GJA5: variants seen among roughly 807,000 people sequenced by gnomAD.
GJA5 encodes gap junction alpha-5 protein.
GJA5 carries 3 observed loss-of-function variants against 7.9 expected under a neutral mutation model. The ratio of observed to expected loss-of-function variants is 0.38; its 90% confidence interval spans 0.17 to 0.99. The LOEUF (loss-of-function observed/expected upper bound fraction) is 0.99. Ranked by LOEUF, GJA5 falls within the 50% of genes least tolerant of loss-of-function variation. The pLI is 0.38. For synonymous variants in GJA5, 193 were observed against 181.0 expected, an observed-to-expected ratio of 1.07 and a Z score of -0.53; for missense variants, 390 against 457.9, an observed-to-expected ratio of 0.85 and a Z score of 1.35.
upstream of GJA5, among the ~76,000 whole-genome samples, chr1:147,765,522 T>G (rs1553228063): frequency 6.6e-6 from 1 of 151,906 alleles, no homozygotes; most frequent in Non-Finnish European, 1.5e-5. Context: ...TGTAGGGGTG[T>G]GGAGTGGATG....
At chr1:147,761,307 G>T (rs1157551677), upstream of GJA5, among the ~76,000 whole-genome samples, 2 of 152,118 alleles carry the variant, frequency 1.3e-5, no homozygotes, top group Non-Finnish European at 2.9e-5. Flanking sequence ...TCATATCTTT[G>T]CTGCCAACGT....
chr1:147,760,839 A>AC (rs1158022007), upstream of GJA5, among the ~76,000 whole-genome samples: 1 of 152,042 alleles, frequency 6.6e-6, no homozygotes. Flanking sequence ...AGGTTTTTCT[A>AC]CCCCCCAGTA....
chr1:147,761,852 G>A (rs920750174), upstream of GJA5, among the ~76,000 whole-genome samples: 11 of 152,084 alleles, frequency 7.2e-5, no homozygotes, highest in African/African-American at 2.7e-4. Context: ...AAAAAGAAGA[G>A]AAGAAAAGGG....
intron 1 of GJA5, among the ~76,000 whole-genome samples, chr1:147,773,041 A>G (rs2148966885): frequency 6.6e-6 from 1 of 152,292 alleles, no homozygotes; most frequent in East Asian, 1.9e-4. Context: ...CTCTAAATCA[A>G]GGAAGTAATT....
chr1:147,765,130 G>A (rs782157929), upstream of GJA5, among the ~76,000 whole-genome samples: 3 of 152,138 alleles, frequency 2.0e-5, no homozygotes, highest in Non-Finnish European at 4.4e-5. Flanking sequence ...CTTACATACT[G>A]TTCAAAATGT....
chr1:147,771,098 C>G lies in GJA5; in HGVS notation c.-34+2154G>C, dbSNP rs78982347. 8.3e-3 allele frequency among the ~76,000 whole-genome samples: 1,260 copies of G among 152,262 alleles called. 3 individuals carry two copies. The highest frequency in any genetic ancestry group is 0.014 in the Non-Finnish European group (948 of 68,020). On this transcript the variant is annotated intron_variant, in intron 1 of 1. Transcript: ENST00000430508. ...CCTGAAAACGGCAGGTCATCCAGTT[C>G]CTGTCCTGATTGATCCACATAGACA... is the stretch of plus-strand genomic sequence containing the variant.
Position 147,758,551 on chromosome 1 carries a change from C to G in GJA5, c.688G>C (p.Gly230Arg). Reference sequence around the variant, plus strand: ...AATCGCTGTCTGATCTTCTTCCAGCCCAGGTGGTAGAGTTCAGCCAGGCTA... The same window carrying G: ...AATCGCTGTCTGATCTTCTTCCAGCGCAGGTGGTAGAGTTCAGCCAGGCTA... The part of the protein sequence containing the change: ...LLSLAELYHL[G>R]WKKIRQRFVK... The change falls in exon 2 of 2, where the codon GGC (glycine) becomes CGC (arginine). Residue 230 changes from glycine (G) to arginine (R), a missense_variant. Transcript: ENST00000579774. 1 of 1,613,556 alleles carries G rather than the reference C, an allele frequency of 6.2e-7. No homozygotes were observed. The highest frequency in any genetic ancestry group is 1.7e-5 in the Admixed American group (1 of 60,018).
chr1:147,772,261 C>T (rs1664435136), intron 1 of GJA5, among the ~76,000 whole-genome samples: 1 of 152,140 alleles, frequency 6.6e-6, no homozygotes, highest in South Asian at 2.1e-4. Flanking sequence ...AGGAATCCCT[C>T]TATTATAATG....
chr1:147,773,030 C>T (rs587602033), intron 1 of GJA5, among the ~76,000 whole-genome samples: 92 of 152,236 alleles, frequency 6.0e-4, no homozygotes, highest in African/African-American at 2.2e-3. Flanking sequence ...TCTTCATCTC[C>T]CTCTAAATCA....
At chr1:147,759,363 A>T in intron 1 of GJA5, 92 bp from the exon 2 acceptor site, 4 of 755,628 alleles carry the variant, frequency 5.3e-6, no homozygotes, top group Non-Finnish European at 9.4e-6. Flanking sequence ...CCACTGATCC[A>T]TCCATCCAAT....
chr1:147,764,148 T>C (rs1465852542), upstream of GJA5, among the ~76,000 whole-genome samples: 1 of 152,118 alleles, frequency 6.6e-6, no homozygotes, highest in Non-Finnish European at 1.5e-5. Context: ...ACGGCCAGTG[T>C]TTTTCAAAGA....
upstream of GJA5, among the ~76,000 whole-genome samples, chr1:147,760,942 G>A (rs1663983173): frequency 6.6e-6 from 1 of 151,870 alleles, no homozygotes; most frequent in African/African-American, 2.4e-5. Flanking sequence ...GAACAGGAGG[G>A]AGACTACTCA....
At chr1:147,772,677 C>T (rs1664452903) in intron 1 of GJA5, among the ~76,000 whole-genome samples, 1 of 151,730 alleles carries the variant, frequency 6.6e-6, no homozygotes, top group Non-Finnish European at 1.5e-5. Context: ...TTTCCTCCGG[C>T]TGCAAGTGGC....
chr1:147,765,899 C>T (rs1346127894), intron 1 of GJA5, among the ~76,000 whole-genome samples: 1 of 152,152 alleles, frequency 6.6e-6, no homozygotes, highest in Non-Finnish European at 1.5e-5. Context: ...TACCTCCCAG[C>T]ACACTTGCTG....
chr1:147,768,665 AAAGT>A (rs1664295191), intron 1 of GJA5, among the ~76,000 whole-genome samples: 2 of 152,362 alleles, frequency 1.3e-5, no homozygotes, highest in East Asian at 3.9e-4. Flanking sequence ...CCAAGGAAGT[AAAGT>A]AAGAGTGATA....
At position 147,756,716 on chromosome 1, in the gene GJA5, C is replaced by T. The variant is rs1270631553; in HGVS notation, c.*1446G>A. Reference sequence around the variant, plus strand: ...CCATCAGCACCCACACACACACACACGTGCATTTTAATAATGTAATAATCC... The same window carrying T: ...CCATCAGCACCCACACACACACACATGTGCATTTTAATAATGTAATAATCC... On this transcript the variant is annotated 3_prime_UTR_variant, in exon 2 of 2. Coordinates refer to ENST00000579774, the MANE Select transcript of GJA5 (RefSeq NM_181703.4). 1 of 152,200 alleles carries T rather than the reference C, an allele frequency of 6.6e-6. No homozygotes were observed. The highest frequency in any genetic ancestry group is 2.4e-5 in the African/African-American group (1 of 41,438). The allele number at this position is 152,200 out of a possible 1,614,324, so 9.4% of individuals were successfully genotyped here. A position where few individuals can be genotyped will look rare whatever the true frequency, so the allele number is the denominator to read the frequency against.
At chr1:147,761,347 T>C (rs925787346), upstream of GJA5, among the ~76,000 whole-genome samples, 24 of 152,196 alleles carry the variant, frequency 1.6e-4, no homozygotes, top group African/African-American at 4.8e-4. Context: ...ACATTCTTCA[T>C]GCTTATGGGG....
upstream of GJA5, among the ~76,000 whole-genome samples, chr1:147,761,158 G>GTT (rs1178998976): frequency 6.6e-6 from 1 of 152,122 alleles, no homozygotes; most frequent in African/African-American, 2.4e-5. Context: ...TGTTCTTACA[G>GTT]TTTAAGCCTC....
chr1:147,758,473 CCA>C lies in GJA5; in HGVS notation c.764_765del (p.Val255GlyfsTer13). ...MAKCQLSGPS[V>X]GIVQSCTPPP... ...GGTGGTGTGCAGCTCTGGACTATGC[CCA>C]CAGAGGGGCCAGAAAGCTGGCACTT... On this transcript the variant is annotated frameshift_variant, in exon 2 of 2. Coordinates refer to ENST00000579774, the MANE Select transcript of GJA5 (RefSeq NM_181703.4). LOFTEE classifies it low-confidence loss of function (END_TRUNC). 1 of 1,614,158 alleles carries C rather than the reference CCA, an allele frequency of 6.2e-7. No individual in the cohort carries two copies. The highest frequency in any genetic ancestry group is 8.5e-7 in the Non-Finnish European group (1 of 1,180,022).
Sources: allele counts gnomAD v4.1 joint callset (sites outside exome capture counted in the v4.1 genomes callset), GRCh38; gene constraint gnomAD v4.1.1; transcripts MANE v1.5; gene names NCBI Gene and HGNC (gene_info 2026-07-23, HGNC 2026-07-21).